Variants in MYO3B observed in about 807,000 individuals in gnomAD.
The protein encoded by MYO3B is myosin-IIIb.
MYO3B carries 156 observed loss-of-function variants against 174.6 expected under a neutral mutation model. That is an observed-to-expected ratio of 0.89 (90% CI 0.78 to 1.02). MYO3B has a LOEUF of 1.02. Among genes scored for constraint, MYO3B ranks in the 50% least tolerant of loss-of-function variants. MYO3B has a pLI of 0.00. For missense variants in MYO3B, 1,632 were observed against 1,639.4 expected, an observed-to-expected ratio of 1.00 and a Z score of 0.08; for synonymous variants, 563 against 569.1, an observed-to-expected ratio of 0.99 and a Z score of 0.15.
chr2:170,468,817 AAC>A (rs1264333003), intron 25 of MYO3B, among the ~76,000 whole-genome samples: 3 of 152,178 alleles, frequency 2.0e-5, no homozygotes, highest in African/African-American at 7.2e-5. Context: ...ACAGAGGGCA[AAC>A]ACATAACTGC....
At chr2:170,438,742 C>A (rs2094775890) in intron 22 of MYO3B, among the ~76,000 whole-genome samples, 1 of 152,022 alleles carries the variant, frequency 6.6e-6, no homozygotes. Flanking sequence ...TCAAATGCTT[C>A]TCCTGCCTCA....
intron 32 of MYO3B, among the ~76,000 whole-genome samples, chr2:170,628,962 T>C (rs908502977): frequency 2.0e-5 from 3 of 152,266 alleles, no homozygotes; most frequent in African/African-American, 7.2e-5. Flanking sequence ...TTACATCCTA[T>C]GAAAACCAAA....
chr2:170,636,369 G>A (rs1406171819), intron 32 of MYO3B, among the ~76,000 whole-genome samples: 1 of 150,238 alleles, frequency 6.7e-6, no homozygotes, highest in African/African-American at 2.4e-5. Context: ...TTTGTGTTAT[G>A]TTATTGAAAA....
At chr2:170,546,064 C>G (rs1292677340) in intron 32 of MYO3B, among the ~76,000 whole-genome samples, 3 of 152,208 alleles carry the variant, frequency 2.0e-5, no homozygotes, top group African/African-American at 7.2e-5. Context: ...ATTCTCCGAA[C>G]ATGCCTGGTG....
intron 7 of MYO3B, among the ~76,000 whole-genome samples, chr2:170,260,627 A>G (rs58340008): frequency 0.17 from 25,535 of 152,140 alleles, 3,007 homozygotes; most frequent in African/African-American, 0.34. Context: ...GATGGGACCA[A>G]TTGTATCCCA....
At chr2:170,503,048 A>G (rs985569325) in intron 28 of MYO3B, among the ~76,000 whole-genome samples, 3 of 152,240 alleles carry the variant, frequency 2.0e-5, no homozygotes, top group Non-Finnish European at 2.9e-5. Context: ...GAGAGAACTC[A>G]AAGTGCATCA....
intron 30 of MYO3B, among the ~76,000 whole-genome samples, chr2:170,540,612 G>A (rs184619580): frequency 1.4e-4 from 21 of 150,924 alleles, no homozygotes; most frequent in East Asian, 5.8e-4. Flanking sequence ...TGGTAGTGAC[G>A]GATTGCAGAG....
At chr2:170,458,097 T>C (rs1684013626) in intron 23 of MYO3B, among the ~76,000 whole-genome samples, 1 of 152,326 alleles carries the variant, frequency 6.6e-6, no homozygotes, top group Admixed American at 6.5e-5. Flanking sequence ...ACCAGTAACA[T>C]AGTTATTTAC....
intron 32 of MYO3B, among the ~76,000 whole-genome samples, chr2:170,545,061 A>G (rs2106209666): frequency 6.6e-6 from 1 of 152,306 alleles, no homozygotes; most frequent in Admixed American, 6.5e-5. Flanking sequence ...ATTTAATGTG[A>G]TTATTGATAT....
At chr2:170,238,069 A>T (rs887990887) in intron 7 of MYO3B, among the ~76,000 whole-genome samples, 1 of 152,164 alleles carries the variant, frequency 6.6e-6, no homozygotes, top group African/African-American at 2.4e-5. Context: ...TCTTCCCCAA[A>T]CCAGGAAAAA....
chr2:170,585,080 T>C (rs1481010418), intron 32 of MYO3B, among the ~76,000 whole-genome samples: 1 of 152,188 alleles, frequency 6.6e-6, no homozygotes, highest in Non-Finnish European at 1.5e-5. Context: ...CCTCCAGAGA[T>C]TCTGATGTAA....
At chr2:170,633,547 T>C (rs1697207654) in intron 32 of MYO3B, among the ~76,000 whole-genome samples, 1 of 152,158 alleles carries the variant, frequency 6.6e-6, no homozygotes, top group Non-Finnish European at 1.5e-5. Context: ...AGCATTCCCT[T>C]TGAAAACTGG....
intron 32 of MYO3B, among the ~76,000 whole-genome samples, chr2:170,545,055 A>G (rs1690389821): frequency 6.6e-6 from 1 of 152,164 alleles, no homozygotes; most frequent in Non-Finnish European, 1.5e-5. Flanking sequence ...ATTTATATTT[A>G]ATGTGATTAT....
chr2:170,252,470 C>T (rs974654976), intron 7 of MYO3B, among the ~76,000 whole-genome samples: 9 of 152,064 alleles, frequency 5.9e-5, no homozygotes, highest in African/African-American at 1.9e-4. Context: ...GAGTAGTGGC[C>T]TACTTACACA....
intron 3 of MYO3B, 88 bp from the exon 4 acceptor site, chr2:170,214,291 G>A (rs970678449): frequency 1.0e-6 from 1 of 1,001,206 alleles, no homozygotes; most frequent in African/African-American, 1.6e-5. Flanking sequence ...CATTGAATCA[G>A]TATCAGTCGG....
At position 170,218,943 on chromosome 2, in the gene MYO3B, A is replaced by C. The variant is rs867173429; in HGVS notation, c.603+1548A>C. 3.3e-5 allele frequency among the ~76,000 whole-genome samples: 5 copies of C among 152,358 alleles called. No individual in the cohort carries two copies. The Middle Eastern group carries it at 0.01, about 311-fold the overall frequency. ...TAAAGCTCTTAATATTCCAGCCCCT[A>C]TCTATCCAGCCTTGTTTCAGATTAC... On this transcript the variant is annotated intron_variant, in intron 6 of 34. Coordinates refer to ENST00000408978, the MANE Select transcript of MYO3B (RefSeq NM_138995.5).
At chr2:170,503,056 T>A (rs1325442091) in intron 28 of MYO3B, among the ~76,000 whole-genome samples, 1 of 152,222 alleles carries the variant, frequency 6.6e-6, no homozygotes, top group Non-Finnish European at 1.5e-5. Context: ...TCAAAGTGCA[T>A]CATTTGTTCC....
chr2:170,649,261 T>A (rs1246416557), intron 32 of MYO3B, among the ~76,000 whole-genome samples: 17 of 41,494 alleles, frequency 4.1e-4, no homozygotes, highest in African/African-American at 2.1e-3. Flanking sequence ...AAATAATATA[T>A]AATATATTAT....
At chr2:170,255,495 G>A (rs544798526) in intron 7 of MYO3B, among the ~76,000 whole-genome samples, 1 of 152,206 alleles carries the variant, frequency 6.6e-6, no homozygotes, top group South Asian at 2.1e-4. Context: ...AGTTCCTTCA[G>A]CACCCAACAC....
Sources: gnomAD v4.1 joint callset for allele counts (sites outside exome capture counted in the v4.1 genomes callset) on GRCh38, gnomAD v4.1.1 for gene constraint, MANE v1.5 for transcripts, NCBI Gene and HGNC (gene_info 2026-07-23, HGNC 2026-07-21) for gene names.